Variants in CSNK1E observed in about 807,000 individuals in gnomAD.
The protein encoded by CSNK1E is casein kinase I isoform epsilon.
In CSNK1E, 17 loss-of-function variants were observed where a neutral mutation model predicts 46.1. That is an observed-to-expected ratio of 0.37 (90% CI 0.25 to 0.55). CSNK1E has a LOEUF of 0.55. Among genes scored for constraint, CSNK1E ranks in the 20% least tolerant of loss-of-function variants. The pLI, the probability that CSNK1E is intolerant of heterozygous loss-of-function variation, is 0.82. For synonymous variants in CSNK1E, 241 were observed against 242.6 expected (o/e 0.99, Z 0.06); for missense variants, 386 against 595.4 (o/e 0.65, Z 3.66).
In CSNK1E at chr22:38,300,996, C is replaced by G. The variant is rs2092669108; in HGVS notation, c.337-44G>C. 6.4e-7 allele frequency: 1 copy of G among 1,555,638 alleles called. No homozygotes were observed. The highest frequency in any genetic ancestry group is 1.4e-5 in the African/African-American group (1 of 73,716). The stretch of plus-strand genomic sequence containing the variant: ...ATTTGTTCAACAGAGGGGCCCTTGC[C>G]TAGCACTCTGGGCCAGGCAGGGGCT... On this transcript the variant is annotated intron_variant, in intron 4 of 10. Coordinates refer to ENST00000396832, the MANE Select transcript of CSNK1E (RefSeq NM_152221.3). This position sits in a 1 kb window ranked among gnomAD's most constrained non-coding sequence, Gnocchi z 4.4.
At position 38,298,475 on chromosome 22, in the gene CSNK1E, G is replaced by A; in HGVS notation, c.885+311C>T. The A allele has an allele frequency of 2.5e-6, 1 of 399,290 alleles. No individual in the cohort carries two copies. The highest frequency in any genetic ancestry group is 5.9e-5 in the East Asian group (1 of 16,908). 24.7% of individuals were successfully genotyped at this position (399,290 alleles called of 1,614,324 possible). A position where few individuals can be genotyped will look rare whatever the true frequency, so the allele number is the denominator to read the frequency against. On this transcript the variant is annotated intron_variant, in intron 7 of 10. Transcript: ENST00000396832. This position sits in a 1 kb window ranked among gnomAD's most constrained non-coding sequence, Gnocchi z 4.2. ...CAGGACGGTGTAGGCAGCAATCAGG[G>A]CAGCAGGGGGCGCCGCCAGCACCAC...
chr22:38,298,442 A>T lies in CSNK1E; in HGVS notation c.885+344T>A, dbSNP rs1257441082. The T allele has an allele frequency of 5.4e-6, 2 of 373,124 alleles. No homozygotes were observed. The highest frequency in any genetic ancestry group is 7.5e-5 in the Admixed American group (2 of 26,816). 23.1% of individuals were successfully genotyped at this position (373,124 alleles called of 1,614,324 possible). On this transcript the variant is annotated intron_variant, in intron 7 of 10. Coordinates refer to ENST00000396832, the MANE Select transcript of CSNK1E (RefSeq NM_152221.3). The surrounding 1 kb of genome is among the most constrained non-coding windows in gnomAD (Gnocchi z 4.2). The stretch of plus-strand genomic sequence containing the variant: ...GGTAGCCACCTGGGATGTGCAGAAC[A>T]GGAGCAGCAGGACGGTGTAGGCAGC...
intron 4 of CSNK1E, among the ~76,000 whole-genome samples, chr22:38,302,060 T>G (rs557980733): frequency 6.6e-6 from 1 of 152,352 alleles, no homozygotes; most frequent in South Asian, 2.1e-4. Flanking sequence ...AGGCGCTGAA[T>G]GGTATCTCAC....
intron 7 of CSNK1E, chr22:38,297,047 TACAGGCATGAG>T (rs1360493354): frequency 1.4e-6 from 1 of 735,738 alleles, no homozygotes; most frequent in African/African-American, 1.7e-5. Flanking sequence ...GTGCTGGGAT[TACAGGCATGAG>T]CCACCAGGCC....
At chr22:38,307,425 G>A (rs889272602) in intron 2 of CSNK1E, among the ~76,000 whole-genome samples, 3 of 151,814 alleles carry the variant, frequency 2.0e-5, no homozygotes, top group Non-Finnish European at 4.4e-5. Context: ...CCGTGGGAGC[G>A]CCTGTAATCC....
intron 2 of CSNK1E, among the ~76,000 whole-genome samples, chr22:38,311,006 A>G (rs2092718583): frequency 1.3e-5 from 2 of 152,196 alleles, no homozygotes; most frequent in Admixed American, 1.3e-4. Context: ...GAGTCAGGGC[A>G]GGGTCCCCTG....
chr22:38,313,294 C>T (rs913554177), intron 2 of CSNK1E, among the ~76,000 whole-genome samples: 1 of 152,172 alleles, frequency 6.6e-6, no homozygotes, highest in Non-Finnish European at 1.5e-5. Flanking sequence ...GAGGATAACT[C>T]GTAGAAGGGC....
intron 2 of CSNK1E, among the ~76,000 whole-genome samples, chr22:38,312,729 A>C (rs1354056935): frequency 1.3e-5 from 2 of 152,160 alleles, no homozygotes; most frequent in Non-Finnish European, 2.9e-5. Context: ...CTGCCTTGGA[A>C]CAGTTCTTGG....
At chr22:38,315,001 C>T (rs989570611) in intron 1 of CSNK1E, among the ~76,000 whole-genome samples, 2 of 152,122 alleles carry the variant, frequency 1.3e-5, no homozygotes, top group Non-Finnish European at 2.9e-5. Context: ...GGGACAGGGA[C>T]CAGGGACTGC....
chr22:38,296,844 A>G lies in CSNK1E; in HGVS notation c.885+1942T>C, dbSNP rs1038442739. ...CACTGGAGGGCAGTGGCATGATCTC[A>G]GCTCACTCCAATCTCTGCCTCCTGG... is the stretch of plus-strand genomic sequence containing the variant. On this transcript the variant is annotated intron_variant, in intron 7 of 10. Coordinates refer to ENST00000396832, the MANE Select transcript of CSNK1E (RefSeq NM_152221.3). 63 of 835,938 alleles carry G rather than the reference A, an allele frequency of 7.5e-5. No individual in the cohort carries two copies. The African/African-American group carries it at 1.0e-3, about 13-fold the overall frequency. The allele number at this position is 835,938 out of a possible 1,614,324, so 51.8% of individuals were successfully genotyped here.
rs780370416 is a variant in CSNK1E at position 38,298,215 on chromosome 22, G to C, written c.885+571C>G. The stretch of plus-strand genomic sequence containing the variant: ...CTCGAGGAAGCCCCCTTTTCCAGAA[G>C]AGATGTGAAACAAGACATACAATTT... On this transcript the variant is annotated intron_variant, in intron 7 of 10. Transcript: ENST00000396832. This position sits in a 1 kb window ranked among gnomAD's most constrained non-coding sequence, Gnocchi z 4.2. 7.7e-7 allele frequency: 1 copy of C among 1,303,282 alleles called. No homozygotes were observed. Among genetic ancestry groups the C allele is most frequent in the South Asian group, 1.2e-5 (1 of 80,990 alleles). 80.7% of individuals were successfully genotyped at this position (1,303,282 alleles called of 1,614,324 possible).
chr22:38,312,042 G>C (rs1230378731), intron 2 of CSNK1E, among the ~76,000 whole-genome samples: 1 of 152,118 alleles, frequency 6.6e-6, no homozygotes, highest in East Asian at 1.9e-4. Flanking sequence ...GACCTCAAGT[G>C]ATCTGCCCGC....
rs1490501242 is a variant in CSNK1E, at chr22:38,309,926, A to G, written c.76+4156T>C. Reference sequence around the variant, plus strand: ...CCCCCTGCAGCAGGTCCTGCCACCAATGAGTTCCTTGGTGGCCTCTAAATT... The same window carrying G: ...CCCCCTGCAGCAGGTCCTGCCACCAGTGAGTTCCTTGGTGGCCTCTAAATT... On this transcript the variant is annotated intron_variant, in intron 2 of 10. Transcript: ENST00000396832. This position sits in a 1 kb window ranked among gnomAD's most constrained non-coding sequence, Gnocchi z 4.8. Among the ~76,000 whole-genome samples, 1 of 152,244 alleles carries G rather than the reference A, an allele frequency of 6.6e-6. No individual in the cohort carries two copies. Among genetic ancestry groups the G allele is most frequent in the Non-Finnish European group, 1.5e-5 (1 of 68,044 alleles).
intron 7 of CSNK1E, chr22:38,296,340 AAC>A: frequency 5.2e-6 from 7 of 1,355,422 alleles, no homozygotes; most frequent in Non-Finnish European, 6.6e-6. Flanking sequence ...TGGACCTCGG[AAC>A]ACAGTGGCTG....
intron 2 of CSNK1E, among the ~76,000 whole-genome samples, chr22:38,313,353 G>C (rs1372643503): frequency 6.6e-6 from 1 of 152,190 alleles, no homozygotes; most frequent in Non-Finnish European, 1.5e-5. Context: ...TAATCCACAA[G>C]CACCAACACT....
In CSNK1E at chr22:38,294,482, C is replaced by T. The variant is rs766929384; in HGVS notation, c.938G>A (p.Arg313His). 7 of 1,593,854 alleles carry T rather than the reference C, an allele frequency of 4.4e-6. No homozygotes were observed. In the African/African-American group the frequency reaches 5.4e-5, roughly 12 times the overall value. The change falls in exon 8 of 11, where the codon CGC becomes CAC. Residue 313 changes from arginine to histidine, a missense_variant. Physicochemically the swap from Arg to His is conservative, Grantham distance 29 (BLOSUM62 0). Around this residue, in one of 2 missense-constraint regions of CSNK1E, gnomAD observed 174 missense variants for 185.2 expected, o/e 0.94. Transcript: ENST00000396832. The surrounding 1 kb of genome is among the most constrained non-coding windows in gnomAD (Gnocchi z 5.5). ...CCGTAGCTGCCCCATCCTCTCCTCG[C>T]GTTCGTGTTCTCGCCGCTCCCGGTC... ...DVDRERREHE[R>H]EERMGQLRGS...
chr22:38,294,088 A>G lies in CSNK1E; in HGVS notation c.1218+21T>C. ...TAACTCAGTTCTGAGGCCCAGAGGG[A>G]CTGGCAGGGGGGCAGCTCACCTGTG... is the stretch of plus-strand genomic sequence containing the variant. On this transcript the variant is annotated intron_variant, in intron 9 of 10. Coordinates refer to ENST00000396832, the MANE Select transcript of CSNK1E (RefSeq NM_152221.3). This position sits in a 1 kb window ranked among gnomAD's most constrained non-coding sequence, Gnocchi z 5.5. The G allele has an allele frequency of 1.9e-6, 3 of 1,605,446 alleles. No individual in the cohort carries two copies. Among genetic ancestry groups the G allele is most frequent in the South Asian group, 2.2e-5 (2 of 90,530 alleles).
At chr22:38,307,579 C>T (rs748796892) in intron 2 of CSNK1E, among the ~76,000 whole-genome samples, 5 of 152,284 alleles carry the variant, frequency 3.3e-5, no homozygotes, top group Middle Eastern at 3.4e-3. Flanking sequence ...AGAGGATGCG[C>T]GTAGCTTATA....
At chr22:38,312,893 C>G (rs751107902) in intron 2 of CSNK1E, among the ~76,000 whole-genome samples, 1 of 152,204 alleles carries the variant, frequency 6.6e-6, no homozygotes, top group Non-Finnish European at 1.5e-5. Context: ...CGCTCTCACT[C>G]ATGTGGAGGG....
Sources: allele counts gnomAD v4.1 joint callset (sites outside exome capture counted in the v4.1 genomes callset), GRCh38; gene constraint gnomAD v4.1.1; regional missense constraint gnomAD v4.1.1; non-coding constraint Gnocchi (gnomAD v3.1); transcripts MANE v1.5; gene names NCBI Gene and HGNC (gene_info 2026-07-23, HGNC 2026-07-21).